GFOD1: variants seen among roughly 807,000 people sequenced by gnomAD.
GFOD1 encodes the protein Gfo/Idh/MocA-like oxidoreductase domain containing 1.
In GFOD1, 9 loss-of-function variants were observed where a neutral mutation model predicts 25.4. The observed-to-expected ratio is 0.35, with a 90% CI of 0.21 to 0.62. The LOEUF is 0.62. GFOD1 is among the 20% of genes least tolerant of loss of function. The probability of loss-of-function intolerance (pLI) is 0.72; values close to 1 mark genes in which losing one functional copy is unlikely to be tolerated. For synonymous variants in GFOD1, 253 were observed against 245.6 expected (o/e 1.03, Z -0.28); for missense variants, 403 against 556.9 (o/e 0.72, Z 2.78).
intron 1 of GFOD1, among the ~76,000 whole-genome samples, chr6:13,472,574 C>A (rs1296202858): frequency 1.3e-5 from 2 of 152,140 alleles, no homozygotes; most frequent in Non-Finnish European, 2.9e-5. Flanking sequence ...AAGTGAGGAG[C>A]CCACACCCAC....
In GFOD1 at chr6:13,469,233, C is replaced by T. The variant is rs146815336; in HGVS notation, c.253+17405G>A. Reference sequence around the variant, plus strand: ...ACAGCACCACACTCAGCCTGGAGCACACCAGAACAGATGGAGGAATACATC... The same window carrying T: ...ACAGCACCACACTCAGCCTGGAGCATACCAGAACAGATGGAGGAATACATC... On this transcript the variant is annotated intron_variant, in intron 1 of 1. Coordinates refer to ENST00000379287, the MANE Select transcript of GFOD1 (RefSeq NM_018988.4). The T allele has an allele frequency of 6.1e-5, 60 of 985,458 alleles. 1 individual carries two copies. Among genetic ancestry groups the T allele is most frequent in the Middle Eastern group, 1.0e-3 (2 of 1,914 alleles). 61.0% of individuals were successfully genotyped at this position (985,458 alleles called of 1,614,324 possible). A position where few individuals can be genotyped will look rare whatever the true frequency, so the allele number is the denominator to read the frequency against.
chr6:13,365,277 T>C lies in GFOD1; in HGVS notation c.639A>G (p.Arg213=). 1 of 1,614,200 alleles carries C rather than the reference T, an allele frequency of 6.2e-7. No homozygotes were observed. The highest frequency in any genetic ancestry group is 8.5e-7 in the Non-Finnish European group (1 of 1,180,014). The change falls in exon 2 of 2, where the codon CGA becomes CGG. Residue 213 remains arginine (R), a synonymous_variant. Coordinates refer to ENST00000379287, the MANE Select transcript of GFOD1 (RefSeq NM_018988.4). This position sits in a 1 kb window ranked among gnomAD's most constrained non-coding sequence, Gnocchi z 9.2. ...TGCAGAAGTCATCGCTGGTGATCTG[T>C]CGGATGCCCTTGATGTGGTCAGTCT... ...VKQTDHIKGI[R]QITSDDFCTF... is the part of the protein sequence containing the mutation.
intron 1 of GFOD1, among the ~76,000 whole-genome samples, chr6:13,465,615 G>C (rs1006452076): frequency 1.3e-5 from 2 of 152,188 alleles, no homozygotes; most frequent in African/African-American, 4.8e-5. Context: ...TAACCGGTCT[G>C]GGGTGCGGCC....
In GFOD1 at chr6:13,362,437, G is replaced by A. The variant is rs1324394187; in HGVS notation, c.*2306C>T. 2.7e-5 allele frequency: 4 copies of A among 149,730 alleles called. No homozygotes were observed. The highest frequency in any genetic ancestry group is 1.0e-4 in the African/African-American group (4 of 39,790). The allele number at this position is 149,730 out of a possible 1,614,324, so 9.3% of individuals were successfully genotyped here. A position where few individuals can be genotyped will look rare whatever the true frequency, so the allele number is the denominator to read the frequency against. ...AGATCACACCACTGCACTCCAGCTT[G>A]GGTGACAGAGCGAGACTCCATTTCA... On this transcript the variant is annotated 3_prime_UTR_variant, in exon 2 of 2. Transcript: ENST00000379287.
chr6:13,366,636 T>G (rs1048345212), intron 1 of GFOD1, among the ~76,000 whole-genome samples: 1 of 146,928 alleles, frequency 6.8e-6, no homozygotes, highest in Non-Finnish European at 1.5e-5. Flanking sequence ...GCCCAGCCAT[T>G]TTTTTTTTTT....
chr6:13,403,253 G>A (rs909519335), intron 1 of GFOD1, among the ~76,000 whole-genome samples: 2 of 152,082 alleles, frequency 1.3e-5, no homozygotes, highest in African/African-American at 4.8e-5. Flanking sequence ...AGCCTCCTGA[G>A]TAGCTGGGAT....
intron 1 of GFOD1, among the ~76,000 whole-genome samples, chr6:13,477,246 T>TGC (rs1254648407): frequency 6.6e-6 from 1 of 151,474 alleles, no homozygotes; most frequent in African/African-American, 2.4e-5. Context: ...TGTGTGTGTG[T>TGC]GTGTGTGTAG....
chr6:13,460,432 C>A (rs1014320563), intron 1 of GFOD1, among the ~76,000 whole-genome samples: 1 of 152,156 alleles, frequency 6.6e-6, no homozygotes, highest in Non-Finnish European at 1.5e-5. Context: ...CAATGATAGA[C>A]TGGATAAAGA....
rs367551164 is a variant in GFOD1 at position 13,473,427 on chromosome 6, C to A, written c.253+13211G>T. Among the ~76,000 whole-genome samples the A allele has an allele frequency of 2.0e-5, 3 of 152,206 alleles. No individual in the cohort carries two copies. In the East Asian group the frequency reaches 5.8e-4, roughly 29 times the overall value. On this transcript the variant is annotated intron_variant, in intron 1 of 1. Coordinates refer to ENST00000379287, the MANE Select transcript of GFOD1 (RefSeq NM_018988.4). ...GTTCTTCCCACGCCCTCTAAGGCGG[C>A]CATTTGGGCTCCTCTCAACAGGGTC...
chr6:13,379,100 C>T (rs76343661), intron 1 of GFOD1, among the ~76,000 whole-genome samples: 307 of 152,330 alleles, frequency 2.0e-3, no homozygotes, highest in African/African-American at 7.0e-3. Context: ...CAATGGTAGA[C>T]GCAGTCTGTG....
At chr6:13,389,912 A>G (rs543437847) in intron 1 of GFOD1, among the ~76,000 whole-genome samples, 3 of 151,918 alleles carry the variant, frequency 2.0e-5, no homozygotes, top group Non-Finnish European at 2.9e-5. Flanking sequence ...ACCATGATTT[A>G]CCTCACCAAA....
intron 1 of GFOD1, among the ~76,000 whole-genome samples, chr6:13,388,164 ATGT>A (rs1451581226): frequency 2.6e-5 from 4 of 152,230 alleles, no homozygotes; most frequent in African/African-American, 9.6e-5. Flanking sequence ...GGAAGAATCA[ATGT>A]TGTGAAAATG....
chr6:13,378,133 C>T lies in GFOD1; in HGVS notation c.254-12471G>A, dbSNP rs145309642. Reference sequence around the variant, plus strand: ...TAAGCACCACTCCAGCACCATCACCCCCATTTGTAGAAAATGGGGAACTAA... The same window carrying T: ...TAAGCACCACTCCAGCACCATCACCTCCATTTGTAGAAAATGGGGAACTAA... On this transcript the variant is annotated intron_variant, in intron 1 of 1. Coordinates refer to ENST00000379287, the MANE Select transcript of GFOD1 (RefSeq NM_018988.4). Among the ~76,000 whole-genome samples, 5 of 152,298 alleles carry T rather than the reference C, an allele frequency of 3.3e-5. No homozygotes were observed. The East Asian group carries it at 9.6e-4, about 29-fold the overall frequency.
chr6:13,459,890 T>C (rs1337554501), intron 1 of GFOD1, among the ~76,000 whole-genome samples: 3 of 152,184 alleles, frequency 2.0e-5, no homozygotes, highest in African/African-American at 7.2e-5. Flanking sequence ...TCCCAGCACT[T>C]TGGGAGGCTG....
At chr6:13,472,411 G>A (rs893590329) in intron 1 of GFOD1, among the ~76,000 whole-genome samples, 4 of 152,182 alleles carry the variant, frequency 2.6e-5, no homozygotes, top group African/African-American at 7.2e-5. Context: ...TAAATGGACC[G>A]TAGTTCACCA....
At chr6:13,473,508 T>G (rs1230444179) in intron 1 of GFOD1, among the ~76,000 whole-genome samples, 1 of 152,252 alleles carries the variant, frequency 6.6e-6, no homozygotes, top group East Asian at 1.9e-4. Flanking sequence ...CTCTGTCATT[T>G]GTGGCTGTCA....
intron 1 of GFOD1, among the ~76,000 whole-genome samples, chr6:13,478,956 T>A (rs1226210516): frequency 6.6e-6 from 1 of 152,060 alleles, no homozygotes; most frequent in Non-Finnish European, 1.5e-5. Context: ...TGGTGAGCTC[T>A]TGGTAACCCC....
In GFOD1 at chr6:13,390,784, GA is replaced by G. The variant is rs1562202745; in HGVS notation, c.254-25123del. On this transcript the variant is annotated intron_variant, in intron 1 of 1. Transcript: ENST00000379287. ...GAAAGAGAGAGAGAGAGAGAGAAAGGAAGGAAGGAAGGAAGGAAGGAAGGAA... is the reference window on the plus strand; with the variant it reads ...GAAAGAGAGAGAGAGAGAGAGAAAGGAGGAAGGAAGGAAGGAAGGAAGGAA... Among the ~76,000 whole-genome samples the G allele has an allele frequency of 6.3e-3, 794 of 125,296 alleles. 14 individuals carry two copies. The highest frequency in any genetic ancestry group is 0.02 in the African/African-American group (688 of 34,578). The allele number at this position is 125,296 out of a possible 152,430, so 82.2% of individuals were successfully genotyped here.
At chr6:13,470,650 G>T in intron 1 of GFOD1, 1 of 1,450,666 alleles carries the variant, frequency 6.9e-7, no homozygotes, top group South Asian at 1.5e-5. Context: ...AGGGAGAAGA[G>T]ACAGAGAAGA....
Sources: gnomAD v4.1 joint callset for allele counts (sites outside exome capture counted in the v4.1 genomes callset) on GRCh38, gnomAD v4.1.1 for gene constraint, Gnocchi (gnomAD v3.1) non-coding constraint, MANE v1.5 for transcripts, NCBI Gene and HGNC (gene_info 2026-07-23, HGNC 2026-07-21) for gene names.